Variants in ZNF623 observed in about 807,000 individuals in gnomAD.
ZNF623 encodes the protein zinc finger protein 623.
Under a neutral mutation model 24.0 loss-of-function variants are expected in ZNF623, and 16 were observed. The observed-to-expected ratio is 0.67, with a 90% CI of 0.45 to 1.01. The LOEUF (loss-of-function observed/expected upper bound fraction) is 1.01. ZNF623 is among the 50% of genes least tolerant of loss of function. The pLI, the probability that ZNF623 is intolerant of heterozygous loss-of-function variation, is 0.00. For missense variants in ZNF623, 566 were observed against 606.5 expected, an observed-to-expected ratio of 0.93 and a Z score of 0.70; for synonymous variants, 224 against 219.8, an observed-to-expected ratio of 1.02 and a Z score of -0.17.
chr8:143,651,681 C>T lies in ZNF623; in HGVS notation c.*198C>T. ...CTGTGAGCACTGTCCTCAGGAGAGTCACAGGGCTTGACACCTGACTCTGAG... is the reference window on the plus strand; with the variant it reads ...CTGTGAGCACTGTCCTCAGGAGAGTTACAGGGCTTGACACCTGACTCTGAG... On this transcript the variant is annotated 3_prime_UTR_variant, in exon 2 of 2. Coordinates refer to ENST00000526926, the MANE Select transcript of ZNF623 (RefSeq NM_001261843.2). 1.8e-6 allele frequency: 1 copy of T among 564,204 alleles called. No individual in the cohort carries two copies. The highest frequency in any genetic ancestry group is 3.1e-6 in the Non-Finnish European group (1 of 323,638). The allele number at this position is 564,204 out of a possible 1,614,324, so 34.9% of individuals were successfully genotyped here.
intron 1 of ZNF623, among the ~76,000 whole-genome samples, chr8:143,639,818 C>G (rs1038469187): frequency 1.2e-4 from 19 of 152,280 alleles, no homozygotes; most frequent in African/African-American, 3.6e-4. Flanking sequence ...GGGTTGGCCT[C>G]CAGGGACTCT....
chr8:143,653,188 C>T lies in ZNF623; in HGVS notation c.*1705C>T, dbSNP rs371644961. ...GCGAGGTAAATGGACAGTGGACAGC[C>T]GCCTCGCCAAACTGTTAGTCTTTAC... On this transcript the variant is annotated 3_prime_UTR_variant, in exon 2 of 2. Transcript: ENST00000526926. 5.3e-4 allele frequency: 89 copies of T among 167,184 alleles called. 1 individual carries two copies. The highest frequency in any genetic ancestry group is 1.7e-3 in the African/African-American group (69 of 41,552). The allele number at this position is 167,184 out of a possible 1,614,324, so 10.4% of individuals were successfully genotyped here.
At chr8:143,646,330 A>G (rs757663916) in intron 1 of ZNF623, among the ~76,000 whole-genome samples, 7 of 152,226 alleles carry the variant, frequency 4.6e-5, no homozygotes, top group Non-Finnish European at 8.8e-5. Context: ...GGCATGAGCC[A>G]CTGTACCTGG....
At position 143,651,339 on chromosome 8, in the gene ZNF623, T is replaced by A; in HGVS notation, c.1347T>A (p.Cys449Ter). 6.2e-7 allele frequency: 1 copy of A among 1,614,180 alleles called. No homozygotes were observed. Among genetic ancestry groups the A allele is most frequent in the South Asian group, 1.1e-5 (1 of 91,070 alleles). Residue 449 changes from cysteine to a stop codon, truncating the protein, a stop_gained, in exon 2 of 2, where the codon TGT becomes TGA. Coordinates refer to ENST00000526926, the MANE Select transcript of ZNF623 (RefSeq NM_001261843.2). LOFTEE classifies it high-confidence loss of function. ...KIHTEEKLYECSQYGRDFNST... is the reference protein window; with the variant it reads ...KIHTEEKLYE The stretch of plus-strand genomic sequence containing the variant: ...ATACTGAAGAGAAGCTCTATGAATG[T>A]AGTCAGTATGGGAGAGATTTTAACT...
chr8:143,644,248 C>G (rs1169142033), intron 1 of ZNF623, among the ~76,000 whole-genome samples: 3 of 152,114 alleles, frequency 2.0e-5, no homozygotes, highest in Admixed American at 6.6e-5. Flanking sequence ...GAACTCCTGA[C>G]CTCAAGTGAT....
intron 1 of ZNF623, among the ~76,000 whole-genome samples, chr8:143,639,879 G>A (rs1046180582): frequency 3.9e-5 from 6 of 152,140 alleles, no homozygotes; most frequent in African/African-American, 1.2e-4. Flanking sequence ...TGGACAGCAC[G>A]CACACATCAC....
intron 1 of ZNF623, among the ~76,000 whole-genome samples, chr8:143,638,748 C>CT (rs2131438542): frequency 6.6e-6 from 1 of 151,660 alleles, no homozygotes; most frequent in Non-Finnish European, 1.5e-5. Flanking sequence ...GAGTGAGACT[C>CT]TGTCTCAAAA....
In ZNF623 at chr8:143,651,632, A is replaced by G. The variant is rs1477559912; in HGVS notation, c.*149A>G. On this transcript the variant is annotated 3_prime_UTR_variant, in exon 2 of 2. Transcript: ENST00000526926. ...GTGCCACCTGCCACTGTGCAGCCCT[A>G]CTCGGCTCAGCCCTTCTCCTCAGCT... 9 of 882,194 alleles carry G rather than the reference A, an allele frequency of 1.0e-5. No homozygotes were observed. Among genetic ancestry groups the G allele is most frequent in the East Asian group, 2.6e-5 (1 of 37,750 alleles). The allele number at this position is 882,194 out of a possible 1,614,324, so 54.6% of individuals were successfully genotyped here. A position where few individuals can be genotyped will look rare whatever the true frequency, so the allele number is the denominator to read the frequency against.
At chr8:143,641,442 GTTTTTTTTTTTTT>G in intron 1 of ZNF623, among the ~76,000 whole-genome samples, 2 of 10,060 alleles carry the variant, frequency 2.0e-4, no homozygotes, top group African/African-American at 3.4e-4. Flanking sequence ...AGTGAGTAGT[GTTTTTTTTTTTTT>G]TTTTTTTTTT....
chr8:143,649,422 G>A (rs997313597), intron 1 of ZNF623, among the ~76,000 whole-genome samples: 16 of 152,186 alleles, frequency 1.1e-4, no homozygotes, highest in African/African-American at 3.6e-4. Flanking sequence ...TTCTGTGCAG[G>A]AGGGTGATTC....
intron 1 of ZNF623, among the ~76,000 whole-genome samples, chr8:143,645,257 C>T (rs148186785): frequency 4.6e-5 from 7 of 152,054 alleles, no homozygotes; most frequent in South Asian, 4.1e-4. Context: ...TCCTGGCTAA[C>T]GGTGAAACCC....
Position 143,650,469 on chromosome 8 carries a change from C to T in ZNF623, c.477C>T (p.Arg159=), listed in dbSNP as rs148516981. The T allele has an allele frequency of 8.2e-5, 133 of 1,613,988 alleles. No homozygotes were observed. Among genetic ancestry groups the T allele is most frequent in the South Asian group, 1.2e-4 (11 of 91,064 alleles). ...ATTCAGGTCTCATTGAGCATCAGCG[C>T]GTTCATTCAGGAGAAAAGCCCTTCA... is the stretch of plus-strand genomic sequence containing the variant. ...IHYSGLIEHQ[R]VHSGEKPFKC... The change falls in exon 2 of 2, where the codon CGC becomes CGT. Residue 159 remains arginine, a synonymous_variant. Coordinates refer to ENST00000526926, the MANE Select transcript of ZNF623 (RefSeq NM_001261843.2). This position sits in a 1 kb window ranked among gnomAD's most constrained non-coding sequence, Gnocchi z 5.2.
intron 1 of ZNF623, among the ~76,000 whole-genome samples, chr8:143,646,036 G>A (rs1417317774): frequency 6.6e-6 from 1 of 152,046 alleles, no homozygotes; most frequent in African/African-American, 2.4e-5. Context: ...AATACTAGAA[G>A]TGTTGGAGCT....
intron 1 of ZNF623, among the ~76,000 whole-genome samples, chr8:143,644,521 G>A (rs1200287873): frequency 2.0e-5 from 3 of 152,238 alleles, no homozygotes; most frequent in East Asian, 3.9e-4. Flanking sequence ...TTCTTGAGGC[G>A]AGACAGTCAG....
At chr8:143,643,989 A>C (rs941754533) in intron 1 of ZNF623, among the ~76,000 whole-genome samples, 4 of 152,150 alleles carry the variant, frequency 2.6e-5, no homozygotes, top group African/African-American at 9.7e-5. Flanking sequence ...GCTTGCTGCC[A>C]GTGCATCCCA....
rs574254414 is a variant in ZNF623, at chr8:143,647,322, G to A, written c.-95-2576G>A. Among the ~76,000 whole-genome samples, 67 of 152,208 alleles carry A rather than the reference G, an allele frequency of 4.4e-4. No individual in the cohort carries two copies. The East Asian group carries it at 5.0e-3, about 11-fold the overall frequency. On this transcript the variant is annotated intron_variant, in intron 1 of 1. Transcript: ENST00000526926. Reference sequence around the variant, plus strand: ...ACTACAGGCGCCTGCCGCCACGCCCGGCTAATTTTTTTTGTATTTTTGGTA... The same window carrying A: ...ACTACAGGCGCCTGCCGCCACGCCCAGCTAATTTTTTTTGTATTTTTGGTA...
intron 1 of ZNF623, among the ~76,000 whole-genome samples, chr8:143,642,355 A>G (rs540939541): frequency 6.6e-6 from 1 of 152,288 alleles, no homozygotes; most frequent in African/African-American, 2.4e-5. Context: ...TGCCAGTCAC[A>G]CCAGCTGTCG....
chr8:143,652,741 C>T lies in ZNF623; in HGVS notation c.*1258C>T, dbSNP rs2131462984. ...TTCTGTCTCACTCGAAAGGCACAGT[C>T]TCAATGCGCTACGTAACTCTTCTGT... is the stretch of plus-strand genomic sequence containing the variant. On this transcript the variant is annotated 3_prime_UTR_variant, in exon 2 of 2. Coordinates refer to ENST00000526926, the MANE Select transcript of ZNF623 (RefSeq NM_001261843.2). The T allele has an allele frequency of 6.0e-6, 1 of 167,220 alleles. No homozygotes were observed. Among genetic ancestry groups the T allele is most frequent in the East Asian group, 1.9e-4 (1 of 5,194 alleles). 10.4% of individuals were successfully genotyped at this position (167,220 alleles called of 1,614,324 possible). A position where few individuals can be genotyped will look rare whatever the true frequency, so the allele number is the denominator to read the frequency against.
At chr8:143,637,864 C>T (rs1395226422) in intron 1 of ZNF623, among the ~76,000 whole-genome samples, 2 of 152,030 alleles carry the variant, frequency 1.3e-5, no homozygotes, top group Non-Finnish European at 2.9e-5. Context: ...GATGTTTTAT[C>T]CAGCAAATTC....
Sources: gnomAD v4.1 joint callset for allele counts (sites outside exome capture counted in the v4.1 genomes callset) on GRCh38, gnomAD v4.1.1 for gene constraint, Gnocchi (gnomAD v3.1) non-coding constraint, MANE v1.5 for transcripts, NCBI Gene and HGNC (gene_info 2026-07-23, HGNC 2026-07-21) for gene names.